Variants in SNX18 observed in about 807,000 individuals in gnomAD.
SNX18 encodes sorting nexin 18.
A neutral mutation model predicts 48.7 loss-of-function variants in SNX18; 35 were observed. That is an observed-to-expected ratio of 0.72 (90% CI 0.55 to 0.95). The LOEUF is 0.95. Ranked by LOEUF, SNX18 falls within the 40% of genes least tolerant of loss-of-function variation. The pLI is 0.00. For synonymous variants in SNX18, 492 were observed against 384.7 expected (o/e 1.28, Z -3.26); for missense variants, 824 against 871.0 (o/e 0.95, Z 0.68).
At chr5:54,588,573 C>G in the SNX18 span, among the ~76,000 whole-genome samples, 1 of 152,062 alleles carries the variant, frequency 6.6e-6, no homozygotes, top group Admixed American at 6.6e-5. Flanking sequence ...ATGATCCACC[C>G]ACCTCAGCCT....
the SNX18 span, among the ~76,000 whole-genome samples, chr5:54,569,031 C>T: frequency 6.6e-6 from 1 of 151,800 alleles, no homozygotes; most frequent in Admixed American, 6.6e-5. Context: ...TTAGTAGAGA[C>T]ATGGTTTTGC....
the SNX18 span, among the ~76,000 whole-genome samples, chr5:54,630,671 T>TA: frequency 6.6e-6 from 1 of 151,766 alleles, no homozygotes; most frequent in Non-Finnish European, 1.5e-5. Context: ...CTGTCTCTAG[T>TA]AAAACTACAA....
intron 1 of SNX18, among the ~76,000 whole-genome samples, chr5:54,541,991 C>G (rs1044605642): frequency 3.3e-5 from 5 of 152,128 alleles, no homozygotes; most frequent in African/African-American, 1.2e-4. Flanking sequence ...TCCTGGTTCC[C>G]TCCTCAGTAG....
chr5:54,525,123 A>ATG (rs1762107342), intron 1 of SNX18, among the ~76,000 whole-genome samples: 1 of 152,218 alleles, frequency 6.6e-6, no homozygotes, highest in Non-Finnish European at 1.5e-5. Flanking sequence ...AACCTGCGTA[A>ATG]CGCTCACTTA....
chr5:54,530,461 T>C (rs1228369633), intron 1 of SNX18, among the ~76,000 whole-genome samples: 1 of 152,154 alleles, frequency 6.6e-6, no homozygotes. Flanking sequence ...TTGAGACTGG[T>C]ATTTCTTACG....
In SNX18 at chr5:54,519,235, T is replaced by C; in HGVS notation, c.1283T>C (p.Ile428Thr). 6.2e-7 allele frequency: 1 copy of C among 1,614,108 alleles called. No individual in the cohort carries two copies. Residue 428 changes from isoleucine (I) to threonine (T), a missense_variant, in exon 1 of 2, where the codon ATC becomes ACC. By Grantham distance (89) the Ile-to-Thr change is moderately conservative (BLOSUM62 -1). Transcript: ENST00000381410. Reference protein sequence around the residue: ...ALDLQEVESKIDGFKCFTKKM... With the variant: ...ALDLQEVESKTDGFKCFTKKM... ...GACCTGCAGGAGGTGGAGAGCAAGA[T>C]CGACGGCTTCAAGTGCTTCACCAAG...
the SNX18 span, among the ~76,000 whole-genome samples, chr5:54,608,292 T>C: frequency 6.6e-6 from 1 of 152,254 alleles, no homozygotes; most frequent in East Asian, 1.9e-4. Flanking sequence ...TTCATGTGCT[T>C]ATTTGCCATC....
chr5:54,519,689 G>C (rs1235600324), intron 1 of SNX18, 116 bp downstream of exon 1: 1 of 1,614,198 alleles, frequency 6.2e-7, no homozygotes. Context: ...GTGAGGAAGC[G>C]AGCAGAGACG....
At chr5:54,522,588 T>G (rs1762051903) in intron 1 of SNX18, among the ~76,000 whole-genome samples, 1 of 152,196 alleles carries the variant, frequency 6.6e-6, no homozygotes, top group Non-Finnish European at 1.5e-5. Flanking sequence ...GGGAAGCAAG[T>G]CCTGCTAGAT....
the SNX18 span, among the ~76,000 whole-genome samples, chr5:54,594,453 G>C: frequency 6.6e-6 from 1 of 152,182 alleles, no homozygotes; most frequent in Non-Finnish European, 1.5e-5. Context: ...CTCTTGGATG[G>C]TGTCTGGGAA....
chr5:54,555,048 C>T, the SNX18 span, among the ~76,000 whole-genome samples: 1 of 152,190 alleles, frequency 6.6e-6, no homozygotes, highest in South Asian at 2.1e-4. Flanking sequence ...AGCCATACAC[C>T]CACACTGGAA....
chr5:54,595,366 G>A, the SNX18 span, among the ~76,000 whole-genome samples: 1 of 152,148 alleles, frequency 6.6e-6, no homozygotes, highest in Non-Finnish European at 1.5e-5. Flanking sequence ...CTCCTGAGCA[G>A]CTGGGACTAC....
the SNX18 span, among the ~76,000 whole-genome samples, chr5:54,586,081 G>T: frequency 6.6e-6 from 1 of 152,110 alleles, no homozygotes; most frequent in African/African-American, 2.4e-5. Context: ...CAGGCCAAGG[G>T]AAGTCTAACC....
the SNX18 span, among the ~76,000 whole-genome samples, chr5:54,580,026 G>A: frequency 6.6e-6 from 1 of 151,678 alleles, no homozygotes; most frequent in Non-Finnish European, 1.5e-5. Flanking sequence ...CATTTAATAT[G>A]TCCATACAGT....
chr5:54,577,994 T>TGA, the SNX18 span, among the ~76,000 whole-genome samples: 10 of 152,206 alleles, frequency 6.6e-5, no homozygotes, highest in African/African-American at 2.4e-4. Context: ...TACACAAAAA[T>TGA]GCCCAGTTTG....
At chr5:54,579,714 T>A in the SNX18 span, among the ~76,000 whole-genome samples, 5 of 152,278 alleles carry the variant, frequency 3.3e-5, no homozygotes, top group East Asian at 9.6e-4. Flanking sequence ...AGAATTATCA[T>A]AGATTGGAAA....
chr5:54,539,557 A>G (rs1762426291), intron 1 of SNX18, among the ~76,000 whole-genome samples: 1 of 152,112 alleles, frequency 6.6e-6, no homozygotes, highest in South Asian at 2.1e-4. Context: ...AGAAAGCCAT[A>G]TTCAACTCCC....
At chr5:54,546,673 A>C (rs1762581207), downstream of SNX18, 1 of 152,208 alleles carries the variant, frequency 6.6e-6, no homozygotes, top group Admixed American at 6.5e-5. Context: ...ATAGAAGAGC[A>C]TGTTCTGTCT....
the SNX18 span, among the ~76,000 whole-genome samples, chr5:54,562,979 T>A: frequency 6.6e-6 from 1 of 152,212 alleles, no homozygotes; most frequent in African/African-American, 2.4e-5. Context: ...AATAAAACAG[T>A]TTAAAAAGTA....
Sources: gnomAD v4.1 joint callset for allele counts (sites outside exome capture counted in the v4.1 genomes callset) on GRCh38, gnomAD v4.1.1 for gene constraint, MANE v1.5 for transcripts, NCBI Gene and HGNC (gene_info 2026-07-23, HGNC 2026-07-21) for gene names.